Variants in ZNRF3 observed in about 807,000 individuals in gnomAD.
ZNRF3 encodes zinc and ring finger 3.
Under a neutral mutation model 72.5 loss-of-function variants are expected in ZNRF3, and 23 were observed. The ratio of observed to expected loss-of-function variants is 0.32; its 90% CI spans 0.23 to 0.45. The LOEUF (loss-of-function observed/expected upper bound fraction) is 0.45. Ranked by LOEUF, ZNRF3 falls within the 20% of genes least tolerant of loss-of-function variation. The pLI is 1.00. For synonymous variants in ZNRF3, 610 were observed against 545.3 expected, an observed-to-expected ratio of 1.12 and a Z score of -1.65; for missense variants, 1,169 against 1,272.1, an observed-to-expected ratio of 0.92 and a Z score of 1.23.
chr22:28,985,092 A>G (rs1263357440), intron 1 of ZNRF3, among the ~76,000 whole-genome samples: 1 of 151,250 alleles, frequency 6.6e-6, no homozygotes, highest in Non-Finnish European at 1.5e-5. Context: ...TTGTCAAGGA[A>G]CTCTCATTTT....
intron 1 of ZNRF3, among the ~76,000 whole-genome samples, chr22:28,949,073 G>A (rs1035979674): frequency 1.3e-5 from 2 of 150,850 alleles, no homozygotes; most frequent in Non-Finnish European, 3.0e-5. Context: ...TCTGCCTTCC[G>A]GGTTCAATCA....
At chr22:29,051,840 G>C (rs1030038062) in intron 8 of ZNRF3, among the ~76,000 whole-genome samples, 4 of 150,104 alleles carry the variant, frequency 2.7e-5, no homozygotes, top group South Asian at 4.2e-4. Flanking sequence ...GGGAGGCGGA[G>C]GTTGCAGTGA....
chr22:28,893,883 T>C (rs1027772316), intron 1 of ZNRF3, among the ~76,000 whole-genome samples: 2 of 152,204 alleles, frequency 1.3e-5, no homozygotes, highest in African/African-American at 4.8e-5. Flanking sequence ...GCTACATATT[T>C]TTAGATTGCT....
intron 1 of ZNRF3, among the ~76,000 whole-genome samples, chr22:28,980,230 G>T (rs565058091): frequency 2.0e-5 from 3 of 152,214 alleles, no homozygotes; most frequent in Middle Eastern, 3.4e-3. Flanking sequence ...TGGGTGGAGG[G>T]GGGGAAGGGG....
chr22:29,041,468 A>G (rs908610772), intron 2 of ZNRF3, among the ~76,000 whole-genome samples: 66 of 152,116 alleles, frequency 4.3e-4, no homozygotes, highest in South Asian at 2.1e-4. Flanking sequence ...GATGGAAAGG[A>G]ATCCTTCCCC....
rs757454364 is a variant in ZNRF3 at position 29,050,490 on chromosome 22, A to T, written c.2309A>T (p.Asp770Val). Reference protein sequence around the residue: ...GLHPDHLPRTDGVKYEGLPCC... With the variant: ...GLHPDHLPRTVGVKYEGLPCC... ...CACCCCGACCATTTGCCCAGGACAG[A>T]TGGGGTGAAATACGAGGGTCTGCCC... is the stretch of plus-strand genomic sequence containing the variant. The change falls in exon 8 of 9, where the codon GAT becomes GTT. Residue 770 changes from aspartate to valine, a missense_variant. Physicochemically the swap from Asp to Val is radical, Grantham distance 152 (BLOSUM62 -3). This residue lies in a region of ZNRF3 where 783 missense variants were observed against 731.4 expected (regional missense o/e 1.07). Coordinates refer to ENST00000544604, the MANE Select transcript of ZNRF3 (RefSeq NM_001206998.2). 5.6e-6 allele frequency: 9 copies of T among 1,612,688 alleles called. No homozygotes were observed. The highest frequency in any genetic ancestry group is 7.6e-6 in the Non-Finnish European group (9 of 1,179,936).
chr22:29,051,000 T>C (rs1601718332), intron 8 of ZNRF3, 52 bp downstream of exon 8: 1 of 1,488,150 alleles, frequency 6.7e-7, no homozygotes, highest in Non-Finnish European at 8.9e-7. Flanking sequence ...ATCAGGGTCG[T>C]CTTGTCTTCT....
chr22:28,995,777 C>CTTT (rs534731089), intron 2 of ZNRF3, among the ~76,000 whole-genome samples: 1 of 141,854 alleles, frequency 7.0e-6, no homozygotes. Flanking sequence ...TCAAAACTGC[C>CTTT]TTTTTTTTTT....
intron 1 of ZNRF3, among the ~76,000 whole-genome samples, chr22:28,897,478 G>C (rs1336155472): frequency 6.6e-6 from 1 of 152,090 alleles, no homozygotes; most frequent in Non-Finnish European, 1.5e-5. Context: ...GCGCCACCAC[G>C]CCCTGCTAAT....
At chr22:28,988,850 C>T (rs1256751586) in intron 2 of ZNRF3, among the ~76,000 whole-genome samples, 4 of 152,270 alleles carry the variant, frequency 2.6e-5, no homozygotes, top group South Asian at 2.1e-4. Context: ...TTGTGTCTCT[C>T]GCATCTATAA....
intron 1 of ZNRF3, among the ~76,000 whole-genome samples, chr22:28,923,197 G>C (rs562831214): frequency 6.6e-6 from 1 of 152,286 alleles, no homozygotes; most frequent in South Asian, 2.1e-4. Flanking sequence ...TTGAGAGTGG[G>C]TTCTTGTATT....
intron 2 of ZNRF3, among the ~76,000 whole-genome samples, chr22:29,036,751 TATTA>T (rs533744295): frequency 3.9e-5 from 6 of 152,196 alleles, no homozygotes; most frequent in African/African-American, 1.4e-4. Context: ...TTCAATGTAG[TATTA>T]ATTATAATTT....
At chr22:28,901,932 CTTT>C (rs398036773) in intron 1 of ZNRF3, among the ~76,000 whole-genome samples, 28 of 112,960 alleles carry the variant, frequency 2.5e-4, no homozygotes, top group African/African-American at 7.0e-4. Context: ...TTTAAGTTAA[CTTT>C]TTTTTTTTTT....
chr22:28,928,410 G>A (rs1484052970), intron 1 of ZNRF3, among the ~76,000 whole-genome samples: 1 of 151,518 alleles, frequency 6.6e-6, no homozygotes, highest in East Asian at 1.9e-4. Flanking sequence ...CTGAGACCAA[G>A]GATGTACTCC....
intron 1 of ZNRF3, among the ~76,000 whole-genome samples, chr22:28,946,952 G>A (rs1005605378): frequency 2.6e-5 from 4 of 152,164 alleles, no homozygotes; most frequent in African/African-American, 9.7e-5. Context: ...TGTAAGAATG[G>A]GGAGAAGAGA....
chr22:28,894,994 G>A (rs1051792794), intron 1 of ZNRF3, among the ~76,000 whole-genome samples: 1 of 152,044 alleles, frequency 6.6e-6, no homozygotes, highest in Non-Finnish European at 1.5e-5. Flanking sequence ...AGTCCTTATC[G>A]CATTGCCCAG....
At chr22:28,995,385 G>A (rs978094354) in intron 2 of ZNRF3, among the ~76,000 whole-genome samples, 14 of 152,130 alleles carry the variant, frequency 9.2e-5, no homozygotes, top group Admixed American at 2.0e-4. Context: ...CCGAGATCAC[G>A]CTACTGCACT....
intron 2 of ZNRF3, among the ~76,000 whole-genome samples, chr22:29,033,880 G>T (rs745462140): frequency 1.3e-5 from 2 of 152,166 alleles, no homozygotes; most frequent in Non-Finnish European, 2.9e-5. Context: ...AGCAAGAAAT[G>T]ACCCAGAAAT....
chr22:29,020,249 CTTTTTTTTTTTTT>C (rs756716817), intron 2 of ZNRF3, among the ~76,000 whole-genome samples: 6 of 91,762 alleles, frequency 6.5e-5, no homozygotes, highest in Admixed American at 6.0e-4. Context: ...CACAACCATC[CTTTTTTTTTTTTT>C]TTTTTTTTTT....
Sources: allele counts gnomAD v4.1 joint callset (sites outside exome capture counted in the v4.1 genomes callset), GRCh38; gene constraint gnomAD v4.1.1; regional missense constraint gnomAD v4.1.1; transcripts MANE v1.5; gene names NCBI Gene and HGNC (gene_info 2026-07-23, HGNC 2026-07-21).